ITM2B: variants seen among roughly 807,000 people sequenced by gnomAD.
ITM2B encodes the protein integral membrane protein 2B, also known as ABri/ADan amyloid peptide.
ITM2B carries 11 observed loss-of-function variants against 27.8 expected under a neutral mutation model. The ratio of observed to expected loss-of-function variants is 0.40; its 90% CI spans 0.25 to 0.66. The LOEUF (loss-of-function observed/expected upper bound fraction) is 0.66, where lower values mean the gene tolerates loss of function less well. ITM2B is among the 30% of genes least tolerant of loss of function. ITM2B has a pLI of 0.43. For synonymous variants in ITM2B, 114 were observed against 114.3 expected, an observed-to-expected ratio of 1.00 and a Z score of 0.02; for missense variants, 296 against 328.9, an observed-to-expected ratio of 0.90 and a Z score of 0.77.
chr13:48,233,610 C>G (rs887320479), intron 1 of ITM2B, 133 bp downstream of exon 1: 1 of 507,128 alleles, frequency 2.0e-6, no homozygotes, highest in African/African-American at 2.1e-5. Context: ...CGAGAGAGCC[C>G]GGCGCTCCCG....
At chr13:48,247,702 C>A (rs749506663) in intron 1 of ITM2B, among the ~76,000 whole-genome samples, 14 of 152,152 alleles carry the variant, frequency 9.2e-5, no homozygotes, top group African/African-American at 3.4e-4. Context: ...ATTTGTCCTT[C>A]ATTTTGTTTA....
At chr13:48,248,911 C>T (rs551858117) in intron 1 of ITM2B, among the ~76,000 whole-genome samples, 1 of 152,290 alleles carries the variant, frequency 6.6e-6, no homozygotes, top group East Asian at 1.9e-4. Flanking sequence ...CCCAAGTTCC[C>T]TTTGTTACAC....
At position 48,261,262 on chromosome 13, in the gene ITM2B, A is replaced by C; in HGVS notation, c.*38A>C. 8 of 1,332,104 alleles carry C rather than the reference A, an allele frequency of 6.0e-6. No homozygotes were observed. Among genetic ancestry groups the C allele is most frequent in the African/African-American group, 1.4e-5 (1 of 69,528 alleles). The allele number at this position is 1,332,104 out of a possible 1,614,324, so 82.5% of individuals were successfully genotyped here. On this transcript the variant is annotated 3_prime_UTR_variant, in exon 6 of 6. Transcript: ENST00000647800. Reference sequence around the variant, plus strand: ...AACATTATTGAGGAAAATTAATATCACAGCATAACCCCACCCTTTACATTT... The same window carrying C: ...AACATTATTGAGGAAAATTAATATCCCAGCATAACCCCACCCTTTACATTT...
Position 48,250,039 on chromosome 13 carries a change from A to G in ITM2B, c.118-3769A>G, listed in dbSNP as rs966518247. 5.3e-5 allele frequency among the ~76,000 whole-genome samples: 8 copies of G among 152,216 alleles called. No homozygotes were observed. In the East Asian group the frequency reaches 1.3e-3, roughly 26 times the overall value. On this transcript the variant is annotated intron_variant, in intron 1 of 5. Coordinates refer to ENST00000647800, the MANE Select transcript of ITM2B (RefSeq NM_021999.5). ...TCCATGACTCGGATTGTATTATGGAACATCATTTATCTATCATACGTGATG... is the reference window on the plus strand; with the variant it reads ...TCCATGACTCGGATTGTATTATGGAGCATCATTTATCTATCATACGTGATG...
intron 1 of ITM2B, among the ~76,000 whole-genome samples, chr13:48,240,276 G>T (rs755207450): frequency 2.0e-5 from 3 of 152,202 alleles, no homozygotes; most frequent in South Asian, 2.1e-4. Context: ...TGTGATCTTG[G>T]CTCACTGCAG....
At chr13:48,250,095 G>T (rs9526465) in intron 1 of ITM2B, among the ~76,000 whole-genome samples, 2 of 151,970 alleles carry the variant, frequency 1.3e-5, no homozygotes, top group African/African-American at 4.8e-5. Flanking sequence ...GCTCAAAGTA[G>T]GAGCCATGTC....
intron 1 of ITM2B, among the ~76,000 whole-genome samples, chr13:48,234,064 C>T (rs537645542): frequency 4.6e-5 from 7 of 152,200 alleles, no homozygotes; most frequent in African/African-American, 1.4e-4. Context: ...AGGGACAGTC[C>T]GCCCGAAGTA....
At chr13:48,242,739 CT>C (rs1032653812) in intron 1 of ITM2B, among the ~76,000 whole-genome samples, 3 of 152,028 alleles carry the variant, frequency 2.0e-5, no homozygotes, top group East Asian at 3.8e-4. Context: ...TTGTACATGA[CT>C]TTTTTTCCCC....
intron 1 of ITM2B, among the ~76,000 whole-genome samples, chr13:48,235,935 T>C (rs929121372): frequency 3.9e-5 from 6 of 152,236 alleles, no homozygotes; most frequent in African/African-American, 1.4e-4. Context: ...GCCACAAGAA[T>C]TCTGATCACT....
rs1305963128 is a variant in ITM2B, at chr13:48,268,900, T to C, written c.*7676T>C. 5.9e-5 allele frequency: 9 copies of C among 152,152 alleles called. No individual in the cohort carries two copies. The highest frequency in any genetic ancestry group is 2.2e-4 in the African/African-American group (9 of 41,442). 9.4% of individuals were successfully genotyped at this position (152,152 alleles called of 1,614,324 possible). On this transcript the variant is annotated 3_prime_UTR_variant, in exon 6 of 6. Transcript: ENST00000647800. ...CAGTCATAACAAACACCAAGAACCATTTATAAATTTCAGTTTCTCATTGTT... is the reference window on the plus strand; with the variant it reads ...CAGTCATAACAAACACCAAGAACCACTTATAAATTTCAGTTTCTCATTGTT...
In ITM2B at chr13:48,261,832, AT is replaced by A. The variant is rs1951824997; in HGVS notation, c.*609del. On this transcript the variant is annotated 3_prime_UTR_variant, in exon 6 of 6. Coordinates refer to ENST00000647800, the MANE Select transcript of ITM2B (RefSeq NM_021999.5). ...TGTGTTACTAATTTGTATAACCCATATCTGTGCAATGGAATATAAATATCAC... is the reference window on the plus strand; with the variant it reads ...TGTGTTACTAATTTGTATAACCCATACTGTGCAATGGAATATAAATATCAC... The A allele has an allele frequency of 6.6e-6, 1 of 152,652 alleles. No homozygotes were observed. Among genetic ancestry groups the A allele is most frequent in the South Asian group, 2.1e-4 (1 of 4,836 alleles). The allele number at this position is 152,652 out of a possible 1,614,324, so 9.5% of individuals were successfully genotyped here.
chr13:48,247,470 C>T (rs554389939), intron 1 of ITM2B, among the ~76,000 whole-genome samples: 33 of 152,148 alleles, frequency 2.2e-4, no homozygotes, highest in African/African-American at 7.7e-4. Context: ...TATCTGAGCA[C>T]TTTGAAAAAT....
intron 5 of ITM2B, 45 bp downstream of exon 5, chr13:48,258,992 G>A: frequency 6.8e-7 from 1 of 1,466,432 alleles, no homozygotes. Flanking sequence ...AAAGTTCATT[G>A]CATTAAACTA....
chr13:48,243,488 G>GAA, intron 1 of ITM2B, among the ~76,000 whole-genome samples: 1 of 152,230 alleles, frequency 6.6e-6, no homozygotes, highest in African/African-American at 2.4e-5. Context: ...CACATGTAGG[G>GAA]CTTATTAGTG....
chr13:48,250,886 A>C (rs1368012638), intron 1 of ITM2B, among the ~76,000 whole-genome samples: 1 of 152,224 alleles, frequency 6.6e-6, no homozygotes, highest in African/African-American at 2.4e-5. Context: ...ATGGTGGTGC[A>C]TAGGTTTGGG....
At chr13:48,259,742 T>C (rs1188801041) in intron 5 of ITM2B, among the ~76,000 whole-genome samples, 1 of 151,556 alleles carries the variant, frequency 6.6e-6, no homozygotes, top group African/African-American at 2.4e-5. Context: ...CAGGGGTACA[T>C]GTGCAGGTTT....
Position 48,264,526 on chromosome 13 carries a change from T to G in ITM2B, c.*3302T>G, listed in dbSNP as rs1951841459. 6.6e-6 allele frequency: 1 copy of G among 152,214 alleles called. No homozygotes were observed. Among genetic ancestry groups the G allele is most frequent in the Non-Finnish European group, 1.5e-5 (1 of 68,032 alleles). 9.4% of individuals were successfully genotyped at this position (152,214 alleles called of 1,614,324 possible). A position where few individuals can be genotyped will look rare whatever the true frequency, so the allele number is the denominator to read the frequency against. Reference sequence around the variant, plus strand: ...ATGGGCAGAATCTCTAAGATTCTGCTAAGTGAACATTTAGTAGTTTACTAG... The same window carrying G: ...ATGGGCAGAATCTCTAAGATTCTGCGAAGTGAACATTTAGTAGTTTACTAG... On this transcript the variant is annotated 3_prime_UTR_variant, in exon 6 of 6. Coordinates refer to ENST00000647800, the MANE Select transcript of ITM2B (RefSeq NM_021999.5).
chr13:48,246,350 C>T (rs1246087955), intron 1 of ITM2B, among the ~76,000 whole-genome samples: 2 of 152,168 alleles, frequency 1.3e-5, no homozygotes, highest in Admixed American at 6.5e-5. Flanking sequence ...GACTTCCTCA[C>T]TACAGTCAAG....
rs1276582531 is a variant in ITM2B, at chr13:48,269,829, T to G, written c.*8605T>G. ...GTAGTGTATTCTTAACAATACAGAT[T>G]AGCACAATGCAGGCCAGACCATGAA... On this transcript the variant is annotated 3_prime_UTR_variant, in exon 6 of 6. Coordinates refer to ENST00000647800, the MANE Select transcript of ITM2B (RefSeq NM_021999.5). 1 of 152,266 alleles carries G rather than the reference T, an allele frequency of 6.6e-6. No homozygotes were observed. Among genetic ancestry groups the G allele is most frequent in the Non-Finnish European group, 1.5e-5 (1 of 68,074 alleles). The allele number at this position is 152,266 out of a possible 1,614,324, so 9.4% of individuals were successfully genotyped here. A position where few individuals can be genotyped will look rare whatever the true frequency, so the allele number is the denominator to read the frequency against.
Sources: allele counts gnomAD v4.1 joint callset (sites outside exome capture counted in the v4.1 genomes callset), GRCh38; gene constraint gnomAD v4.1.1; transcripts MANE v1.5; gene names NCBI Gene and HGNC (gene_info 2026-07-23, HGNC 2026-07-21).